BMPER: variants seen among roughly 807,000 people sequenced by gnomAD.
BMPER encodes the protein BMP binding endothelial regulator.
In BMPER, 45 loss-of-function variants were observed where a neutral mutation model predicts 87.3. That is an observed-to-expected ratio of 0.52 (90% confidence interval 0.41 to 0.66). The LOEUF (loss-of-function observed/expected upper bound fraction) is 0.66. Among genes scored for constraint, BMPER ranks in the 30% least tolerant of loss-of-function variants. BMPER has a pLI of 0.00. For synonymous variants in BMPER, 326 were observed against 316.2 expected (o/e 1.03, Z -0.33); for missense variants, 784 against 867.5 (o/e 0.90, Z 1.21).
intron 3 of BMPER, among the ~76,000 whole-genome samples, chr7:33,964,522 T>C (rs1785355941): frequency 6.6e-6 from 1 of 152,218 alleles, no homozygotes; most frequent in Non-Finnish European, 1.5e-5. Context: ...TAAATTATGG[T>C]GGAGGAACAA....
At chr7:34,047,787 T>TTTCC (rs776382522) in intron 7 of BMPER, among the ~76,000 whole-genome samples, 5 of 1,198 alleles carry the variant, frequency 4.2e-3, no homozygotes, top group South Asian at 0.028. Flanking sequence ...CTTGATTTTC[T>TTTCC]TTCCTTCCTT....
At chr7:33,945,120 T>G (rs2128611669) in intron 3 of BMPER, among the ~76,000 whole-genome samples, 1 of 152,208 alleles carries the variant, frequency 6.6e-6, no homozygotes, top group Non-Finnish European at 1.5e-5. Flanking sequence ...TTTTTGTATT[T>G]TTAGTAGAGA....
At chr7:33,907,527 C>G (rs1280619443) in intron 2 of BMPER, among the ~76,000 whole-genome samples, 2 of 152,238 alleles carry the variant, frequency 1.3e-5, no homozygotes, top group East Asian at 3.9e-4. Flanking sequence ...TTAACACTAT[C>G]AGTGGTTAGA....
chr7:34,095,613 C>A (rs1789508351), intron 13 of BMPER, among the ~76,000 whole-genome samples: 1 of 152,192 alleles, frequency 6.6e-6, no homozygotes, highest in Non-Finnish European at 1.5e-5. Context: ...ACTCAAAGTT[C>A]TCTCCTCTGA....
chr7:34,151,410 G>A (rs971532176), intron 14 of BMPER, among the ~76,000 whole-genome samples: 5 of 152,200 alleles, frequency 3.3e-5, no homozygotes, highest in East Asian at 1.9e-4. Context: ...AATATGATAC[G>A]ATGTCAGGTA....
intron 6 of BMPER, among the ~76,000 whole-genome samples, chr7:34,012,653 C>G (rs1370585257): frequency 6.6e-6 from 1 of 151,612 alleles, no homozygotes; most frequent in South Asian, 2.1e-4. Context: ...AAAAATAAAA[C>G]CAAAGAAAAT....
At chr7:33,956,661 G>T (rs1785155436) in intron 3 of BMPER, among the ~76,000 whole-genome samples, 1 of 152,062 alleles carries the variant, frequency 6.6e-6, no homozygotes, top group South Asian at 2.1e-4. Flanking sequence ...ATGTGATGAG[G>T]ATGAAGACGT....
At chr7:33,969,006 A>G (rs1374769045) in intron 4 of BMPER, among the ~76,000 whole-genome samples, 2 of 152,134 alleles carry the variant, frequency 1.3e-5, no homozygotes, top group South Asian at 2.1e-4. Flanking sequence ...GATGTTATAT[A>G]TTGCTAGTAC....
intron 6 of BMPER, chr7:34,042,968 A>T (rs1050830552): frequency 6.6e-6 from 1 of 152,228 alleles, no homozygotes; most frequent in African/African-American, 2.4e-5. Context: ...AAGACTTCAC[A>T]GGTGAGAAGG....
intron 6 of BMPER, among the ~76,000 whole-genome samples, chr7:34,029,070 A>G (rs1249110182): frequency 6.6e-6 from 1 of 152,068 alleles, no homozygotes; most frequent in East Asian, 1.9e-4. Flanking sequence ...CTGAGATTTC[A>G]AGTAGGGAAG....
rs1410946807 is a variant in BMPER, at chr7:34,155,797, G to C, written c.*2524G>C. On this transcript the variant is annotated 3_prime_UTR_variant, in exon 15 of 15. Coordinates refer to ENST00000649409, the MANE Select transcript of BMPER (RefSeq NM_001365308.1). ...GAGCAGTCCTGTTTCATTCACATGG[G>C]ATGTTTTCAATTGGTTCTTCAACTA... 6.6e-6 allele frequency: 1 copy of C among 152,136 alleles called. No individual in the cohort carries two copies. The highest frequency in any genetic ancestry group is 2.4e-5 in the African/African-American group (1 of 41,426). 9.4% of individuals were successfully genotyped at this position (152,136 alleles called of 1,614,324 possible). A position where few individuals can be genotyped will look rare whatever the true frequency, so the allele number is the denominator to read the frequency against.
At chr7:34,056,777 C>T (rs995235242) in intron 9 of BMPER, among the ~76,000 whole-genome samples, 5 of 152,154 alleles carry the variant, frequency 3.3e-5, no homozygotes, top group African/African-American at 1.2e-4. Flanking sequence ...GCCACCATGC[C>T]TGGCTAATTT....
intron 6 of BMPER, among the ~76,000 whole-genome samples, chr7:34,013,658 A>G (rs939530839): frequency 6.6e-6 from 1 of 151,914 alleles, no homozygotes; most frequent in Admixed American, 6.6e-5. Flanking sequence ...TTGATTTTCT[A>G]GGAAGACTCC....
intron 11 of BMPER, among the ~76,000 whole-genome samples, chr7:34,063,797 G>A (rs753394204): frequency 1.3e-5 from 2 of 152,240 alleles, no homozygotes; most frequent in Non-Finnish European, 2.9e-5. Context: ...CTACACTGAT[G>A]AAGTTTTCCT....
In BMPER at chr7:33,970,316, T is replaced by C. The variant is rs199684961; in HGVS notation, c.403-13T>C. On this transcript the variant is annotated splice_polypyrimidine_tract_variant and intron_variant, in intron 4 of 14. Transcript: ENST00000649409. ...TTCTGGGCTGACTTTGCTTGTTTTGTTCTGTGTTTCAGGAGGGCGTTGTCA... is the reference window on the plus strand; with the variant it reads ...TTCTGGGCTGACTTTGCTTGTTTTGCTCTGTGTTTCAGGAGGGCGTTGTCA... 1,492 of 1,612,012 alleles carry C rather than the reference T, an allele frequency of 9.3e-4. 1 individual carries two copies. The highest frequency in any genetic ancestry group is 1.1e-3 in the Non-Finnish European group (1,321 of 1,178,080).
intron 2 of BMPER, among the ~76,000 whole-genome samples, chr7:33,915,671 T>C (rs1340499481): frequency 6.6e-6 from 1 of 152,212 alleles, no homozygotes; most frequent in Non-Finnish European, 1.5e-5. Context: ...TGGTTGGCTG[T>C]GGGCATTAAC....
chr7:33,927,233 T>C (rs1056275434), intron 2 of BMPER, among the ~76,000 whole-genome samples: 12 of 152,216 alleles, frequency 7.9e-5, no homozygotes, highest in African/African-American at 2.7e-4. Flanking sequence ...CGGGGCAATC[T>C]GTGAAAAATC....
At chr7:34,083,869 T>C (rs780543277) in intron 12 of BMPER, among the ~76,000 whole-genome samples, 2 of 152,094 alleles carry the variant, frequency 1.3e-5, no homozygotes, top group Non-Finnish European at 2.9e-5. Flanking sequence ...CTTCTGAACA[T>C]TTGCTCATCA....
chr7:34,089,108 G>T (rs994511096), intron 13 of BMPER, among the ~76,000 whole-genome samples: 1 of 152,100 alleles, frequency 6.6e-6, no homozygotes, highest in African/African-American at 2.4e-5. Flanking sequence ...TTTCTAAAAT[G>T]AACCCAAAAG....
Sources: gnomAD v4.1 joint callset for allele counts (sites outside exome capture counted in the v4.1 genomes callset) on GRCh38, gnomAD v4.1.1 for gene constraint, MANE v1.5 for transcripts, NCBI Gene and HGNC (gene_info 2026-07-23, HGNC 2026-07-21) for gene names.